Variants in ESRRG observed in about 807,000 individuals in gnomAD.
ESRRG encodes the protein estrogen related receptor gamma.
Under a neutral mutation model 44.0 loss-of-function variants are expected in ESRRG, and 13 were observed. The ratio of observed to expected loss-of-function variants is 0.30; its 90% CI spans 0.19 to 0.47. The LOEUF (loss-of-function observed/expected upper bound fraction) is 0.47. Among genes scored for constraint, ESRRG ranks in the 20% least tolerant of loss-of-function variants. The probability of loss-of-function intolerance (pLI) is 1.00; values close to 1 mark genes in which losing one functional copy is unlikely to be tolerated. For missense variants in ESRRG, 395 were observed against 580.6 expected (o/e 0.68, Z 3.29); for synonymous variants, 215 against 214.6 (o/e 1.00, Z -0.02).
At chr1:216,776,206 ACCAAGC>A (rs1472995408) in intron 2 of ESRRG, among the ~76,000 whole-genome samples, 1 of 151,988 alleles carries the variant, frequency 6.6e-6, no homozygotes, top group Non-Finnish European at 1.5e-5. Context: ...TCCCTTCCCT[ACCAAGC>A]TTATTAATAA....
intron 4 of ESRRG, 116 bp from the exon 5 acceptor site, chr1:216,564,496 A>G: frequency 1.3e-6 from 1 of 750,176 alleles, no homozygotes; most frequent in Non-Finnish European, 2.0e-6. Context: ...TAAACGCTAA[A>G]TATTCCAATT....
intron 2 of ESRRG, among the ~76,000 whole-genome samples, chr1:216,910,046 T>C (rs540096053): frequency 6.6e-6 from 1 of 152,288 alleles, no homozygotes; most frequent in African/African-American, 2.4e-5. Flanking sequence ...ATCAGATACA[T>C]CCTATTTCCT....
chr1:216,743,590 G>A (rs926476604), intron 2 of ESRRG, among the ~76,000 whole-genome samples: 1 of 152,182 alleles, frequency 6.6e-6, no homozygotes, highest in South Asian at 2.1e-4. Context: ...GATTCCTTTA[G>A]AGAGTTTTTC....
At chr1:216,976,357 C>G (rs72741447) in intron 1 of ESRRG, among the ~76,000 whole-genome samples, 9,111 of 151,760 alleles carry the variant, frequency 0.06, 390 homozygotes, top group Middle Eastern at 0.12. Context: ...CCCTCATCCA[C>G]TCCAACCTCC....
chr1:216,996,620 T>C (rs545097614), intron 1 of ESRRG, among the ~76,000 whole-genome samples: 2 of 152,242 alleles, frequency 1.3e-5, no homozygotes, highest in South Asian at 2.1e-4. Context: ...TACAATCTGA[T>C]TCTAGTCTAC....
chr1:217,044,325 A>C (rs933232781), intron 1 of ESRRG, among the ~76,000 whole-genome samples: 25 of 152,026 alleles, frequency 1.6e-4, no homozygotes, highest in African/African-American at 6.0e-4. Flanking sequence ...AATTTTCTCA[A>C]CCATGGGGAC....
At chr1:216,686,630 T>TA (rs5780908) in intron 1 of ESRRG, among the ~76,000 whole-genome samples, 26,288 of 150,448 alleles carry the variant, frequency 0.17, 2,803 homozygotes, top group Admixed American at 0.32. Context: ...AAAAATCAAC[T>TA]AAAAAAAAAG....
At chr1:216,985,439 G>A (rs1459183747) in intron 1 of ESRRG, among the ~76,000 whole-genome samples, 1 of 152,144 alleles carries the variant, frequency 6.6e-6, no homozygotes, top group Non-Finnish European at 1.5e-5. Context: ...TATTTCAAAG[G>A]CAAAGTTGCT....
chr1:216,612,128 A>C (rs1368354506), intron 3 of ESRRG, among the ~76,000 whole-genome samples: 1 of 152,180 alleles, frequency 6.6e-6, no homozygotes, highest in Non-Finnish European at 1.5e-5. Context: ...TCAGTAACCC[A>C]GGTGAGAAAG....
intron 1 of ESRRG, among the ~76,000 whole-genome samples, chr1:216,695,997 G>A (rs1192803261): frequency 1.3e-5 from 2 of 152,214 alleles, no homozygotes; most frequent in East Asian, 1.9e-4. Flanking sequence ...TGCTGGCATA[G>A]ATGCTTGGAT....
chr1:216,781,924 G>A (rs2093952261), intron 2 of ESRRG, among the ~76,000 whole-genome samples: 2 of 152,046 alleles, frequency 1.3e-5, no homozygotes, highest in Admixed American at 6.6e-5. Context: ...ACAAGCCTCT[G>A]ATTGAAAAGT....
At chr1:216,958,910 T>G (rs1256200060) in intron 1 of ESRRG, among the ~76,000 whole-genome samples, 9 of 152,176 alleles carry the variant, frequency 5.9e-5, no homozygotes, top group Non-Finnish European at 1.2e-4. Context: ...CTTTAGTACC[T>G]TCTGGAATAT....
intron 1 of ESRRG, among the ~76,000 whole-genome samples, chr1:217,102,495 C>T (rs1163558813): frequency 1.3e-5 from 2 of 152,186 alleles, no homozygotes; most frequent in African/African-American, 2.4e-5. Flanking sequence ...GTTGCCACTT[C>T]TCTAGTTTGG....
At chr1:216,765,304 G>T (rs972738217) in intron 2 of ESRRG, among the ~76,000 whole-genome samples, 2 of 151,872 alleles carry the variant, frequency 1.3e-5, no homozygotes, top group Non-Finnish European at 2.9e-5. Flanking sequence ...CAATAATAAT[G>T]ATGATAATGG....
intron 2 of ESRRG, among the ~76,000 whole-genome samples, chr1:216,911,564 C>T (rs143209534): frequency 2.0e-5 from 3 of 152,172 alleles, no homozygotes; most frequent in Non-Finnish European, 4.4e-5. Context: ...GCACGACACC[C>T]AGAGAGAATG....
chr1:217,046,885 TA>T (rs34206194), intron 1 of ESRRG, among the ~76,000 whole-genome samples: 23,489 of 146,582 alleles, frequency 0.16, 2,364 homozygotes, highest in East Asian at 0.23. Flanking sequence ...TCCTGTCTCA[TA>T]AAAAAAAAGG....
intron 2 of ESRRG, among the ~76,000 whole-genome samples, chr1:216,734,221 AT>A (rs560965319): frequency 1.2e-3 from 176 of 152,224 alleles, no homozygotes; most frequent in African/African-American, 4.1e-3. Flanking sequence ...ATATCTAGAC[AT>A]TTTAGACTCT....
At chr1:216,698,382 G>A (rs2080656186) in intron 1 of ESRRG, among the ~76,000 whole-genome samples, 1 of 151,876 alleles carries the variant, frequency 6.6e-6, no homozygotes, top group Non-Finnish European at 1.5e-5. Context: ...ATCCGGGCGT[G>A]GTGGGGGGCG....
chr1:216,858,214 G>A (rs2095984907), intron 2 of ESRRG, among the ~76,000 whole-genome samples: 1 of 108,628 alleles, frequency 9.2e-6, no homozygotes, highest in African/African-American at 6.0e-5. Flanking sequence ...GAGGTGGGTG[G>A]ATCACGAGGT....
Sources: gnomAD v4.1 joint callset for allele counts (sites outside exome capture counted in the v4.1 genomes callset) on GRCh38, gnomAD v4.1.1 for gene constraint, MANE v1.5 for transcripts, NCBI Gene and HGNC (gene_info 2026-07-23, HGNC 2026-07-21) for gene names.